The following DNTT variants were observed in gnomAD, a reference collection of about 807,000 sequenced individuals.
DNTT encodes nucleosidetriphosphate:DNA deoxynucleotidylexotransferase.
A neutral mutation model predicts 60.9 loss-of-function variants in DNTT; 47 were observed. That is an observed-to-expected ratio of 0.77 (90% CI 0.61 to 0.98). The LOEUF (loss-of-function observed/expected upper bound fraction) is 0.98, where lower values mean the gene tolerates loss of function less well. Ranked by LOEUF, DNTT falls within the 50% of genes least tolerant of loss-of-function variation. The pLI is 0.00. For missense variants in DNTT, 665 were observed against 627.5 expected, an observed-to-expected ratio of 1.06 and a Z score of -0.64; for synonymous variants, 224 against 221.2, an observed-to-expected ratio of 1.01 and a Z score of -0.11.
Position 96,338,314 on chromosome 10 carries a change from G to T in DNTT, c.*90G>T. On this transcript the variant is annotated 3_prime_UTR_variant, in exon 11 of 11. Transcript: ENST00000371174. ...AAAAGATGCCATAGGAGAGTTTGGGGTTATTTAGGTCTTATTGAAATGCAG... is the reference window on the plus strand; with the variant it reads ...AAAAGATGCCATAGGAGAGTTTGGGTTTATTTAGGTCTTATTGAAATGCAG... The T allele has an allele frequency of 2.5e-6, 3 of 1,201,804 alleles. No homozygotes were observed. Among genetic ancestry groups the T allele is most frequent in the Admixed American group, 2.3e-5 (1 of 42,730 alleles). 74.4% of individuals were successfully genotyped at this position (1,201,804 alleles called of 1,614,324 possible).
chr10:96,331,296 A>G (rs1305503312), intron 8 of DNTT, among the ~76,000 whole-genome samples: 1 of 152,232 alleles, frequency 6.6e-6, no homozygotes, highest in African/African-American at 2.4e-5. Context: ...ATATGAAGGG[A>G]CACTGTCTTT....
At chr10:96,335,865 ATTTAT>A in intron 9 of DNTT, 21 bp from the exon 10 acceptor site, 1 of 1,611,492 alleles carries the variant, frequency 6.2e-7, no homozygotes, top group Non-Finnish European at 8.5e-7. Flanking sequence ...CGTGTTAATA[ATTTAT>A]TTTAACTATC....
rs576499296 is a variant in DNTT, at chr10:96,325,929, G to A, written c.875-1539G>A. 3.4e-4 allele frequency among the ~76,000 whole-genome samples: 52 copies of A among 152,336 alleles called. No homozygotes were observed. In the South Asian group the frequency reaches 0.011, roughly 31 times the overall value. ...GCTTGAGCGTGCACATGCCACGTTT[G>A]CCTTGAAAAGTCAGTTTATGAACTA... On this transcript the variant is annotated intron_variant, in intron 6 of 10. Coordinates refer to ENST00000371174, the MANE Select transcript of DNTT (RefSeq NM_004088.4).
intron 1 of DNTT, among the ~76,000 whole-genome samples, chr10:96,315,536 A>G (rs969049388): frequency 1.3e-5 from 2 of 152,004 alleles, no homozygotes; most frequent in African/African-American, 4.8e-5. Flanking sequence ...ATTTGTTTGT[A>G]TTAATTAAGA....
intron 8 of DNTT, among the ~76,000 whole-genome samples, 185 bp from the exon 9 acceptor site, chr10:96,332,166 A>T (rs1845013207): frequency 6.6e-6 from 1 of 152,198 alleles, no homozygotes; most frequent in Non-Finnish European, 1.5e-5. Context: ...TTTTCCGTAA[A>T]GGGAAGATAA....
chr10:96,326,142 G>A (rs1040745602), intron 6 of DNTT, among the ~76,000 whole-genome samples: 2 of 152,146 alleles, frequency 1.3e-5, no homozygotes, highest in Admixed American at 6.5e-5. Context: ...CTGACTTTTG[G>A]ATCGTGTATA....
intron 10 of DNTT, among the ~76,000 whole-genome samples, chr10:96,336,758 A>C (rs561992152): frequency 1.3e-5 from 2 of 152,132 alleles, no homozygotes; most frequent in Admixed American, 6.5e-5. Context: ...ATCAGCCAAC[A>C]TGGTGAAACC....
chr10:96,307,445 C>G (rs952689905), intron 1 of DNTT, among the ~76,000 whole-genome samples: 1 of 142,156 alleles, frequency 7.0e-6, no homozygotes, highest in African/African-American at 2.6e-5. Flanking sequence ...ACCTCCACCT[C>G]CCAGGTTCAA....
At chr10:96,320,152 C>A (rs987812873) in intron 3 of DNTT, among the ~76,000 whole-genome samples, 56 of 152,274 alleles carry the variant, frequency 3.7e-4, no homozygotes, top group African/African-American at 1.3e-3. Flanking sequence ...TACAAACGTG[C>A]CCTACCTTAA....
At chr10:96,337,225 A>G (rs888670961) in intron 10 of DNTT, among the ~76,000 whole-genome samples, 2 of 152,106 alleles carry the variant, frequency 1.3e-5, no homozygotes, top group African/African-American at 4.8e-5. Context: ...CCTGTTTCCT[A>G]ATAGTTCCCC....
Position 96,304,587 on chromosome 10 carries a change from C to A in DNTT, c.90C>A (p.Ile30=). 1 of 1,614,142 alleles carries A rather than the reference C, an allele frequency of 6.2e-7. No homozygotes were observed. The highest frequency in any genetic ancestry group is 8.5e-7 in the Non-Finnish European group (1 of 1,180,008). The change falls in exon 1 of 11, where the codon ATC becomes ATA. Residue 30 remains isoleucine (I), a synonymous_variant. Transcript: ENST00000371174. Reference sequence around the variant, plus strand: ...TGATGGCCTCCTCTCCTCAAGACATCAAATTTCAAGATTTGGTCGTCTTCA... The same window carrying A: ...TGATGGCCTCCTCTCCTCAAGACATAAAATTTCAAGATTTGGTCGTCTTCA... ...GALMASSPQD[I]KFQDLVVFIL...
At chr10:96,331,335 C>T (rs1390150453) in intron 8 of DNTT, among the ~76,000 whole-genome samples, 1 of 152,164 alleles carries the variant, frequency 6.6e-6, no homozygotes, top group African/African-American at 2.4e-5. Context: ...AAAGGAACAC[C>T]TGAGGCTGGG....
Position 96,319,309 on chromosome 10 carries a change from T to C in DNTT, c.426T>C (p.Thr142=). 6.2e-7 allele frequency: 1 copy of C among 1,613,862 alleles called. No homozygotes were observed. The highest frequency in any genetic ancestry group is 8.5e-7 in the Non-Finnish European group (1 of 1,179,814). The change falls in exon 3 of 11, where the codon ACT becomes ACC. Residue 142 remains threonine (T), a synonymous_variant. Transcript: ENST00000371174. The part of the protein sequence containing the change: ...SDSTNPGPPK[T]PPIAVQKISQ... ...GCACCAACCCAGGCCCCCCGAAGAC[T>C]CCACCAATTGCTGTACAAAAGATCT... is the stretch of plus-strand genomic sequence containing the variant.
At chr10:96,320,814 A>C in intron 4 of DNTT, 26 bp downstream of exon 4, 1 of 1,611,434 alleles carries the variant, frequency 6.2e-7, no homozygotes, top group South Asian at 1.1e-5. Flanking sequence ...GATTTGTCCC[A>C]CTTCCCAATA....
At position 96,312,666 on chromosome 10, in the gene DNTT, A is replaced by C. The variant is rs183998201; in HGVS notation, c.204-5686A>C. Among the ~76,000 whole-genome samples, 380 of 152,336 alleles carry C rather than the reference A, an allele frequency of 2.5e-3. 1 individual carries two copies. Among genetic ancestry groups the C allele is most frequent in the Non-Finnish European group, 4.0e-3 (275 of 68,020 alleles). On this transcript the variant is annotated intron_variant, in intron 1 of 10. Transcript: ENST00000371174. ...AAAATAGTTGCCTTTTTAAGTCATT[A>C]CATTTTGGGATCACTGGTTATGCAA...
rs776545967 is a variant in DNTT, at chr10:96,328,695, T to C, written c.1008-30T>C. ...AAAATGAAGACTAATATCTAATTGA[T>C]TTCCATTTTATACTGCTTTTGAAAA... On this transcript the variant is annotated intron_variant, in intron 7 of 10. Transcript: ENST00000371174. The C allele has an allele frequency of 7.5e-6, 12 of 1,600,316 alleles. No homozygotes were observed. The South Asian group carries it at 1.2e-4, about 17-fold the overall frequency.
intron 1 of DNTT, among the ~76,000 whole-genome samples, chr10:96,314,657 C>T (rs1044472284): frequency 6.6e-6 from 1 of 151,752 alleles, no homozygotes; most frequent in Non-Finnish European, 1.5e-5. Context: ...CATGATCTGC[C>T]CCCCTCAGCC....
At position 96,318,431 on chromosome 10, in the gene DNTT, G is replaced by A. The variant is rs1393815343; in HGVS notation, c.283G>A (p.Val95Ile). 6.2e-7 allele frequency: 1 copy of A among 1,613,850 alleles called. No homozygotes were observed. Among genetic ancestry groups the A allele is most frequent in the African/African-American group, 1.3e-5 (1 of 74,916 alleles). Residue 95 changes from valine (V) to isoleucine (I), a missense_variant, in exon 2 of 11, where the codon GTC (valine) becomes ATC (isoleucine). Coordinates refer to ENST00000371174, the MANE Select transcript of DNTT (RefSeq NM_004088.4). ...LEWLQAQKVQ[V>I]SSQPELLDVS... ...GTGGCTTCAAGCACAGAAAGTACAA[G>A]TCAGCTCACAACCAGAGCTCCTCGA...
At chr10:96,332,738 G>T in intron 9 of DNTT, 142 bp downstream of exon 9, 1 of 1,279,170 alleles carries the variant, frequency 7.8e-7, no homozygotes, top group Non-Finnish European at 1.1e-6. Context: ...CTAACTCAAG[G>T]CATCCTGTCC....
Sources: allele counts gnomAD v4.1 joint callset (sites outside exome capture counted in the v4.1 genomes callset), GRCh38; gene constraint gnomAD v4.1.1; transcripts MANE v1.5; gene names NCBI Gene and HGNC (gene_info 2026-07-23, HGNC 2026-07-21).